Variants in APBB2 observed in about 807,000 individuals in gnomAD.
APBB2 encodes the protein Fe65-like 1.
Under a neutral mutation model 82.5 loss-of-function variants are expected in APBB2, and 38 were observed. The ratio of observed to expected loss-of-function variants is 0.46; its 90% CI spans 0.36 to 0.60. The LOEUF is 0.60. Among genes scored for constraint, APBB2 ranks in the 20% least tolerant of loss-of-function variants. The pLI is 0.00. For missense variants in APBB2, 772 were observed against 972.3 expected (o/e 0.79, Z 2.74); for synonymous variants, 341 against 368.2 (o/e 0.93, Z 0.85).
chr4:40,851,853 C>T (rs2154326688), intron 12 of APBB2, among the ~76,000 whole-genome samples: 1 of 150,462 alleles, frequency 6.6e-6, no homozygotes, highest in Admixed American at 6.6e-5. Flanking sequence ...AAGAAGGGGG[C>T]AGAGAATCCT....
intron 1 of APBB2, among the ~76,000 whole-genome samples, chr4:41,211,659 T>C (rs150507546): frequency 0.022 from 3,308 of 152,016 alleles, 125 homozygotes; most frequent in African/African-American, 0.076. Flanking sequence ...ATTTTTGTAT[T>C]TTTTTAGAGA....
intron 12 of APBB2, among the ~76,000 whole-genome samples, chr4:40,838,138 TTATTATTATTATTATTATTA>T (rs1560657365): frequency 0.014 from 287 of 20,166 alleles, no homozygotes; most frequent in African/African-American, 0.087. Flanking sequence ...CAAGTGGGCA[TTATTATTATTATTATTATTA>T]TTATTATTAT....
intron 2 of APBB2, among the ~76,000 whole-genome samples, chr4:41,122,875 C>T (rs1753279377): frequency 6.6e-6 from 1 of 152,140 alleles, no homozygotes; most frequent in Non-Finnish European, 1.5e-5. Context: ...CTGTCCCTCG[C>T]CCCACCAATA....
At chr4:41,054,651 C>T (rs1025051716) in intron 4 of APBB2, among the ~76,000 whole-genome samples, 35 of 152,074 alleles carry the variant, frequency 2.3e-4, no homozygotes, top group African/African-American at 8.0e-4. Context: ...ATAAAAATTG[C>T]TTAATCTTTT....
At chr4:41,166,359 T>C (rs894744329) in intron 1 of APBB2, among the ~76,000 whole-genome samples, 3 of 150,656 alleles carry the variant, frequency 2.0e-5, no homozygotes, top group Non-Finnish European at 3.0e-5. Flanking sequence ...CTGTATTCTA[T>C]GGGCAAAAAA....
intron 7 of APBB2, among the ~76,000 whole-genome samples, chr4:40,939,302 G>C (rs1786222068): frequency 6.6e-6 from 1 of 152,060 alleles, no homozygotes; most frequent in African/African-American, 2.4e-5. Flanking sequence ...TATCAAACAG[G>C]ACTAAGAAGG....
At chr4:40,816,368 C>T in intron 17 of APBB2, 109 bp from the exon 18 acceptor site, 3 of 1,127,184 alleles carry the variant, frequency 2.7e-6, no homozygotes, top group Non-Finnish European at 3.8e-6. Flanking sequence ...GGTTAACGAC[C>T]TAGTTCCTAA....
intron 10 of APBB2, among the ~76,000 whole-genome samples, chr4:40,894,141 A>T (rs916121067): frequency 6.6e-6 from 1 of 152,102 alleles, no homozygotes; most frequent in Non-Finnish European, 1.5e-5. Context: ...GCAAAAAATT[A>T]GCCAGGCGTG....
At chr4:41,161,257 A>T (rs149041460) in intron 1 of APBB2, among the ~76,000 whole-genome samples, 19 of 151,638 alleles carry the variant, frequency 1.3e-4, no homozygotes, top group South Asian at 6.2e-4. Flanking sequence ...TGACTTTCAT[A>T]GACACTGCTC....
intron 6 of APBB2, among the ~76,000 whole-genome samples, chr4:41,001,793 G>A (rs1288091910): frequency 2.0e-5 from 3 of 151,676 alleles, no homozygotes; most frequent in Admixed American, 1.3e-4. Context: ...CAGAAGAATC[G>A]CTTGAACCCG....
At chr4:41,037,129 G>A (rs1193443951) in intron 4 of APBB2, among the ~76,000 whole-genome samples, 1 of 152,058 alleles carries the variant, frequency 6.6e-6, no homozygotes, top group Non-Finnish European at 1.5e-5. Context: ...ACTCTTATTG[G>A]AAAACATTTA....
At chr4:41,081,598 A>C (rs1311867826) in intron 3 of APBB2, among the ~76,000 whole-genome samples, 1 of 152,210 alleles carries the variant, frequency 6.6e-6, no homozygotes, top group African/African-American at 2.4e-5. Context: ...TAGTTATATA[A>C]AATTTTTTTT....
At chr4:41,190,241 ATTTTTTTTTT>A (rs1160837303) in intron 1 of APBB2, among the ~76,000 whole-genome samples, 17 of 71,808 alleles carry the variant, frequency 2.4e-4, no homozygotes, top group Admixed American at 6.4e-4. Context: ...TACATAGGCT[ATTTTTTTTTT>A]TTTTTTTTTT....
intron 4 of APBB2, among the ~76,000 whole-genome samples, chr4:41,036,349 C>A (rs1226276268): frequency 1.3e-5 from 2 of 152,088 alleles, no homozygotes; most frequent in African/African-American, 2.4e-5. Context: ...ATAAAATATT[C>A]CTGTTTCCCT....
chr4:40,848,673 T>C (rs934862534), intron 12 of APBB2, among the ~76,000 whole-genome samples: 1 of 152,194 alleles, frequency 6.6e-6, no homozygotes, highest in Non-Finnish European at 1.5e-5. Context: ...TAGCCACTTA[T>C]TCCATGACTC....
rs371799500 is a variant in APBB2, at chr4:40,893,337, C to G, written c.1329G>C (p.Ala443=). The G allele has an allele frequency of 6.2e-7, 1 of 1,613,338 alleles. No homozygotes were observed. Among genetic ancestry groups the G allele is most frequent in the Non-Finnish European group, 8.5e-7 (1 of 1,179,788 alleles). ...EDLAPGKSSV[A]VNNCIRQLSY... ...AAAGTTGCCTGATGCAGTTGTTGAC[C>G]GCAACACTACTTTTACCGGGGGCGA... Residue 443 remains alanine (A), a synonymous_variant, in exon 11 of 18, where the codon GCG becomes GCC. Coordinates refer to ENST00000508593, the MANE Select transcript of APBB2 (RefSeq NM_004307.2).
rs1488655288 is a variant in APBB2 at position 40,827,056 on chromosome 4, G to A, written c.1732+76C>T. ...CTTTAAGGAGACTTGAAATACCAGA[G>A]AACCATCTGAGAGCCTTCAGTCCTG... On this transcript the variant is annotated intron_variant, in intron 14 of 17. Coordinates refer to ENST00000508593, the MANE Select transcript of APBB2 (RefSeq NM_004307.2). 3 of 1,337,602 alleles carry A rather than the reference G, an allele frequency of 2.2e-6. No individual in the cohort carries two copies. The African/African-American group carries it at 4.4e-5, about 19-fold the overall frequency. The allele number at this position is 1,337,602 out of a possible 1,614,324, so 82.9% of individuals were successfully genotyped here.
chr4:40,901,867 G>A (rs963123306), intron 10 of APBB2, among the ~76,000 whole-genome samples: 3 of 151,648 alleles, frequency 2.0e-5, no homozygotes, highest in Admixed American at 6.6e-5. Context: ...CCATGGATGA[G>A]CTTCAGGAAG....
At chr4:40,819,042 G>C (rs551626547) in intron 17 of APBB2, among the ~76,000 whole-genome samples, 104 of 151,950 alleles carry the variant, frequency 6.8e-4, no homozygotes, top group South Asian at 4.4e-3. Flanking sequence ...GTATGGGGTG[G>C]GGGGGCGGCG....
Sources: allele counts gnomAD v4.1 joint callset (sites outside exome capture counted in the v4.1 genomes callset), GRCh38; gene constraint gnomAD v4.1.1; transcripts MANE v1.5; gene names NCBI Gene and HGNC (gene_info 2026-07-23, HGNC 2026-07-21).